HIBCH: variants seen among roughly 807,000 people sequenced by gnomAD.
HIBCH encodes 3-hydroxyisobutyryl-CoA hydrolase, mitochondrial.
Under a neutral mutation model 58.2 loss-of-function variants are expected in HIBCH, and 50 were observed. The ratio of observed to expected loss-of-function variants is 0.86; its 90% CI spans 0.68 to 1.09. The LOEUF (loss-of-function observed/expected upper bound fraction) is 1.09. HIBCH is among the 50% of genes least tolerant of loss of function. HIBCH has a pLI of 0.00. For synonymous variants in HIBCH, 151 were observed against 146.9 expected (o/e 1.03, Z -0.20); for missense variants, 450 against 449.7 (o/e 1.00, Z -0.01).
intron 6 of HIBCH, among the ~76,000 whole-genome samples, chr2:190,274,961 A>G (rs1163695118): frequency 6.6e-6 from 1 of 152,248 alleles, no homozygotes; most frequent in African/African-American, 2.4e-5. Flanking sequence ...GTTTTCAGAG[A>G]TGATCCTGTA....
chr2:190,226,750 T>G (rs1575705977), intron 11 of HIBCH, among the ~76,000 whole-genome samples: 1 of 152,128 alleles, frequency 6.6e-6, no homozygotes, highest in South Asian at 2.1e-4. Context: ...CAAAAATCAA[T>G]GTGCAAATAT....
Position 190,216,738 on chromosome 2 carries a change from A to G in HIBCH, c.892-3663T>C, listed in dbSNP as rs1368409363. Among the ~76,000 whole-genome samples, 1 of 152,224 alleles carries G rather than the reference A, an allele frequency of 6.6e-6. No homozygotes were observed. The highest frequency in any genetic ancestry group is 1.5e-5 in the Non-Finnish European group (1 of 68,032). ...GAGGATGCCAGTTTGCAATCCCTGA[A>G]GTAGAGAGAGCTCGTGCTGGGGAGA... On this transcript the variant is annotated intron_variant, in intron 11 of 13. Coordinates refer to ENST00000359678, the MANE Select transcript of HIBCH (RefSeq NM_014362.4). This position sits in a 1 kb window ranked among gnomAD's most constrained non-coding sequence, Gnocchi z 4.2.
intron 11 of HIBCH, among the ~76,000 whole-genome samples, chr2:190,227,702 T>G (rs1685951952): frequency 6.6e-6 from 1 of 151,586 alleles, no homozygotes; most frequent in African/African-American, 2.4e-5. Context: ...CTAAACAAAT[T>G]TACAAGAAAA....
intron 1 of HIBCH, among the ~76,000 whole-genome samples, chr2:190,191,573 A>G (rs902279768): frequency 4.6e-5 from 7 of 152,158 alleles, no homozygotes; most frequent in African/African-American, 1.4e-4. Flanking sequence ...TCCAGAGGCC[A>G]TGTCATTTTG....
Position 190,304,272 on chromosome 2 carries a change from A to G in HIBCH, c.78+6482T>C. On this transcript the variant is annotated intron_variant, in intron 2 of 13. Coordinates refer to ENST00000359678, the MANE Select transcript of HIBCH (RefSeq NM_014362.4). The surrounding 1 kb of genome is among the most constrained non-coding windows in gnomAD (Gnocchi z 4.1). ...TTTGTTAAAAAAAAAAAAAAAAAGGAATTTATTCTTTTCCTTAGTTATGGA... is the reference window on the plus strand; with the variant it reads ...TTTGTTAAAAAAAAAAAAAAAAAGGGATTTATTCTTTTCCTTAGTTATGGA... 6.7e-6 allele frequency among the ~76,000 whole-genome samples: 1 copy of G among 149,872 alleles called. No homozygotes were observed.
intron 6 of HIBCH, among the ~76,000 whole-genome samples, chr2:190,284,816 T>C (rs1687789921): frequency 6.6e-6 from 1 of 152,196 alleles, no homozygotes; most frequent in Non-Finnish European, 1.5e-5. Context: ...TATGGGTCTC[T>C]TTTCACTTAT....
chr2:190,248,846 G>A (rs553383169), intron 9 of HIBCH, among the ~76,000 whole-genome samples: 93 of 149,596 alleles, frequency 6.2e-4, no homozygotes, highest in African/African-American at 2.2e-3. Flanking sequence ...AGGTGACAGA[G>A]CGAGACTCTG....
At chr2:190,265,393 T>C (rs372927345) in intron 6 of HIBCH, among the ~76,000 whole-genome samples, 37 of 152,180 alleles carry the variant, frequency 2.4e-4, no homozygotes, top group African/African-American at 8.4e-4. Flanking sequence ...TATCTGGGTA[T>C]CCTCTTTGTG....
intron 1 of HIBCH, among the ~76,000 whole-genome samples, chr2:190,196,186 G>A (rs556648359): frequency 1.3e-5 from 2 of 151,730 alleles, no homozygotes; most frequent in Non-Finnish European, 2.9e-5. Context: ...TGGGTTAAAC[G>A]TATCTAATTC....
chr2:190,294,220 C>T (rs1345034777), intron 4 of HIBCH, among the ~76,000 whole-genome samples: 1 of 151,622 alleles, frequency 6.6e-6, no homozygotes, highest in Non-Finnish European at 1.5e-5. Context: ...AACAGAACTG[C>T]TTAATATCAG....
At chr2:190,265,718 A>G (rs1286635329) in intron 6 of HIBCH, among the ~76,000 whole-genome samples, 1 of 152,322 alleles carries the variant, frequency 6.6e-6, no homozygotes, top group East Asian at 1.9e-4. Flanking sequence ...AAAGGTTTTT[A>G]AAGACTTACT....
rs1328557295 is a variant in HIBCH at position 190,310,798 on chromosome 2, T to C, written c.36-2A>G. ...TTAGTCCTTTTGAATGCATTAAACCTGAAACAAATGTGGAAAACAATGAGA... is the reference window on the plus strand; with the variant it reads ...TTAGTCCTTTTGAATGCATTAAACCCGAAACAAATGTGGAAAACAATGAGA... On this transcript the variant is annotated splice_acceptor_variant, in intron 1 of 13. Transcript: ENST00000359678. LOFTEE classifies it high-confidence loss of function. The C allele has an allele frequency of 6.3e-7, 1 of 1,599,472 alleles. No individual in the cohort carries two copies. The highest frequency in any genetic ancestry group is 1.1e-5 in the South Asian group (1 of 90,744).
At position 190,244,900 on chromosome 2, in the gene HIBCH, A is replaced by T; in HGVS notation, c.878T>A (p.Leu293Gln). 6.2e-7 allele frequency: 1 copy of T among 1,608,076 alleles called. No homozygotes were observed. Among genetic ancestry groups the T allele is most frequent in the Non-Finnish European group, 8.5e-7 (1 of 1,174,474 alleles). The part of the protein sequence containing the change: ...NLQQDGSSFA[L>Q]EQLKVINKMS... ...TTCCAATATTACCTTCAATTGCTCTAGGGCAAAAGATGAACCATCTTGCTG... is the reference window on the plus strand; with the variant it reads ...TTCCAATATTACCTTCAATTGCTCTTGGGCAAAAGATGAACCATCTTGCTG... Residue 293 changes from leucine to glutamine, a missense_variant, in exon 11 of 14, where the codon CTA becomes CAA. Transcript: ENST00000359678.
At chr2:190,260,462 T>C (rs570824587) in intron 7 of HIBCH, 2 of 152,332 alleles carry the variant, frequency 1.3e-5, no homozygotes, top group South Asian at 4.1e-4. Context: ...AAGATGTCAA[T>C]TCTCTCTAAA....
At chr2:190,225,927 C>T (rs1393340263) in intron 11 of HIBCH, among the ~76,000 whole-genome samples, 1 of 152,198 alleles carries the variant, frequency 6.6e-6, no homozygotes, top group Non-Finnish European at 1.5e-5. Context: ...CCACCATGAT[C>T]AAGTTGGCTT....
intron 11 of HIBCH, among the ~76,000 whole-genome samples, chr2:190,226,929 G>C (rs1685920748): frequency 1.3e-5 from 2 of 152,032 alleles, no homozygotes; most frequent in East Asian, 1.9e-4. Context: ...AAATAAAAGA[G>C]GATACAAACA....
chr2:190,282,297 G>A (rs1045061846), intron 6 of HIBCH, among the ~76,000 whole-genome samples: 12 of 152,138 alleles, frequency 7.9e-5, no homozygotes, highest in Non-Finnish European at 1.6e-4. Context: ...ATTTAAAAAT[G>A]GGTTTATTTA....
intron 1 of HIBCH, among the ~76,000 whole-genome samples, chr2:190,194,477 TACACACACACACACACACACACACACAC>T (rs3083429): frequency 5.7e-5 from 8 of 141,476 alleles, no homozygotes; most frequent in African/African-American, 1.1e-4. Context: ...ATCCTGTGTA[TACACACACACACACACACACACACACAC>T]ACACACACAC....
At position 190,210,180 on chromosome 2, in the gene HIBCH, C is replaced by G. The variant is rs369985955; in HGVS notation, c.1012-1267G>C. Reference sequence around the variant, plus strand: ...CTCCACTTCTTCACATCCCATTTTTCCTCTCCAACTTACTACACTCTAACT... The same window carrying G: ...CTCCACTTCTTCACATCCCATTTTTGCTCTCCAACTTACTACACTCTAACT... On this transcript the variant is annotated intron_variant, in intron 12 of 13. Transcript: ENST00000359678. The surrounding 1 kb of genome is among the most constrained non-coding windows in gnomAD (Gnocchi z 5.5). Among the ~76,000 whole-genome samples the G allele has an allele frequency of 4.9e-4, 74 of 152,264 alleles. No homozygotes were observed. The highest frequency in any genetic ancestry group is 1.5e-3 in the African/African-American group (64 of 41,556).
Sources: gnomAD v4.1 joint callset for allele counts (sites outside exome capture counted in the v4.1 genomes callset) on GRCh38, gnomAD v4.1.1 for gene constraint, Gnocchi (gnomAD v3.1) non-coding constraint, MANE v1.5 for transcripts, NCBI Gene and HGNC (gene_info 2026-07-23, HGNC 2026-07-21) for gene names.